Variants in DST observed in about 807,000 individuals in gnomAD.
DST encodes bullous pemphigoid antigen.
In DST, 253 loss-of-function variants were observed where a neutral mutation model predicts 875.2. That is an observed-to-expected ratio of 0.29 (90% confidence interval 0.26 to 0.32). DST has a LOEUF of 0.32. Among genes scored for constraint, DST ranks in the 10% least tolerant of loss-of-function variants. DST has a pLI of 1.00. For missense variants in DST, 8,287 were observed against 9,111.6 expected (o/e 0.91, Z 3.68); for synonymous variants, 3,124 against 3,197.1 (o/e 0.98, Z 0.77).
chr6:56,611,392 ATTAGT>A (rs1184391598), intron 38 of DST, 111 bp downstream of exon 38: 2 of 687,332 alleles, frequency 2.9e-6, no homozygotes, highest in Admixed American at 2.7e-5. Flanking sequence ...ATTAATTGTG[ATTAGT>A]TTGAGTCCCA....
intron 36 of DST, chr6:56,618,817 C>G: frequency 6.2e-7 from 1 of 1,614,162 alleles, no homozygotes; most frequent in Middle Eastern, 1.6e-4. Flanking sequence ...CTTCCTGAAA[C>G]AGAACCATCT....
chr6:56,625,085 A>G, intron 35 of DST, 72 bp downstream of exon 35: 1 of 1,117,674 alleles, frequency 8.9e-7, no homozygotes. Context: ...TACCACAACA[A>G]AAAATAAAAT....
Position 56,492,961 on chromosome 6 carries a change from T to C in DST, c.20523A>G (p.Thr6841=), listed in dbSNP as rs1310936273. The C allele has an allele frequency of 6.2e-7, 1 of 1,611,072 alleles. No homozygotes were observed. The highest frequency in any genetic ancestry group is 1.3e-5 in the African/African-American group (1 of 74,776). The change falls in exon 84 of 104, where the codon ACA becomes ACG. Residue 6841 remains threonine, a synonymous_variant. Transcript: ENST00000680361. Reference sequence around the variant, plus strand: ...TGTGTTCGTCAATTTGAAATAAGACTGTGTCCAAGATGAGACTTGGCCGAG... The same window carrying C: ...TGTGTTCGTCAATTTGAAATAAGACCGTGTCCAAGATGAGACTTGGCCGAG... ...VASRPSLILD[T]VLFQIDEHKV...
chr6:56,851,708 A>T, intron 3 of DST, 104 bp from the exon 4 acceptor site: 1 of 1,552,732 alleles, frequency 6.4e-7, no homozygotes, highest in Non-Finnish European at 8.7e-7. Context: ...CCTGCCCCCA[A>T]ACTGGGTCTG....
intron 22 of DST, among the ~76,000 whole-genome samples, chr6:56,638,255 A>C (rs1207254468): frequency 6.6e-6 from 1 of 152,094 alleles, no homozygotes. Flanking sequence ...ATTAGTGTAC[A>C]AAACCACATC....
chr6:56,605,236 G>A lies in DST; in HGVS notation c.9392C>T (p.Pro3131Leu). 1.2e-6 allele frequency: 2 copies of A among 1,611,046 alleles called. No homozygotes were observed. Among genetic ancestry groups the A allele is most frequent in the Non-Finnish European group, 1.7e-6 (2 of 1,178,324 alleles). The change falls in exon 40 of 104, where the codon CCT (proline) becomes CTT (leucine). Residue 3131 changes from proline (P) to leucine (L), a missense_variant. Around this residue, in one of 10 missense-constraint regions of DST, gnomAD observed 3,138 missense variants for 3,116.6 expected, o/e 1.01. Transcript: ENST00000680361. ...TTCTTCAAGATTCTCAAACTGAACA[G>A]GACTTTTACTAACTATTATTTGTAG... ...NNLQIIVSKS[P>L]VQFENLEEIF...
At chr6:56,532,068 C>T (rs2096905295) in intron 64 of DST, among the ~76,000 whole-genome samples, 1 of 152,118 alleles carries the variant, frequency 6.6e-6, no homozygotes, top group South Asian at 2.1e-4. Context: ...AACTCTGTGC[C>T]TGATGCATGG....
chr6:56,528,768 C>T (rs559221455), intron 67 of DST, 73 bp downstream of exon 67: 2 of 1,112,616 alleles, frequency 1.8e-6, no homozygotes, highest in East Asian at 2.6e-5. Flanking sequence ...TTGGTTTTTT[C>T]CCATCCCTAA....
At chr6:56,743,645 AACAC>A (rs144612886) in intron 4 of DST, among the ~76,000 whole-genome samples, 2 of 151,740 alleles carry the variant, frequency 1.3e-5, no homozygotes, top group Non-Finnish European at 2.9e-5. Context: ...ACACATATAT[AACAC>A]ACACACACAC....
rs145078334 is a variant in DST, at chr6:56,757,622, G to C, written c.626-22333C>G. Among the ~76,000 whole-genome samples the C allele has an allele frequency of 5.7e-4, 87 of 152,298 alleles. 1 individual carries two copies. Among genetic ancestry groups the C allele is most frequent in the African/African-American group, 2.0e-3 (84 of 41,560 alleles). ...CAAAGTTCCAGTAAATGAAATAAAAGCTAATGTGTTATATGGCAGCTTCTA... is the reference window on the plus strand; with the variant it reads ...CAAAGTTCCAGTAAATGAAATAAAACCTAATGTGTTATATGGCAGCTTCTA... On this transcript the variant is annotated intron_variant, in intron 4 of 103. Transcript: ENST00000680361.
rs1439045562 is a variant in DST at position 56,473,995 on chromosome 6, A to G, written c.21872T>C (p.Met7291Thr). 1 of 1,575,800 alleles carries G rather than the reference A, an allele frequency of 6.3e-7. No individual in the cohort carries two copies. Among genetic ancestry groups the G allele is most frequent in the South Asian group, 1.2e-5 (1 of 85,988 alleles). ...AGGCTGTTTTCTGGTCATTTCCTCC[A>G]TGAAGGTCTGAAATGAAAGAAATGA... The part of the protein sequence containing the change: ...KALIAEHQTF[M>T]EEMTRKQPDV... Residue 7291 changes from methionine to threonine, a missense_variant, in exon 93 of 104, where the codon ATG becomes ACG. Physicochemically the swap from Met to Thr is moderately conservative, Grantham distance 81. Around this residue, in one of 10 missense-constraint regions of DST, gnomAD observed 1,292 missense variants for 1,552.7 expected, o/e 0.83. Coordinates refer to ENST00000680361, the MANE Select transcript of DST (RefSeq NM_001374736.1).
chr6:56,458,170 C>T lies in DST; in HGVS notation c.*835G>A, dbSNP rs1343821188. ...ATTTTTAAGTATCTTTTGGTCACTC[C>T]AAATTGATATTGCTCATAAAAAAAT... On this transcript the variant is annotated 3_prime_UTR_variant, in exon 104 of 104. Transcript: ENST00000680361. The T allele has an allele frequency of 6.6e-6, 1 of 152,282 alleles. No homozygotes were observed. The highest frequency in any genetic ancestry group is 1.5e-5 in the Non-Finnish European group (1 of 67,988). The allele number at this position is 152,282 out of a possible 1,614,324, so 9.4% of individuals were successfully genotyped here. A position where few individuals can be genotyped will look rare whatever the true frequency, so the allele number is the denominator to read the frequency against.
At chr6:56,742,461 C>G (rs1262937810) in intron 4 of DST, 1 of 770,670 alleles carries the variant, frequency 1.3e-6, no homozygotes, top group East Asian at 6.5e-5. Flanking sequence ...TACTTGCAAG[C>G]TGAAAACTAG....
At chr6:56,901,457 T>A (rs540107201) in intron 2 of DST, among the ~76,000 whole-genome samples, 21 of 152,276 alleles carry the variant, frequency 1.4e-4, no homozygotes, top group African/African-American at 5.1e-4. Context: ...TAGCTGGTCA[T>A]GCTGGTGGAC....
intron 7 of DST, 117 bp from the exon 8 acceptor site, chr6:56,702,082 G>T: frequency 1.8e-6 from 1 of 566,624 alleles, no homozygotes; most frequent in East Asian, 3.0e-5. Context: ...GTTTAGGTAA[G>T]GCCATAAGAT....
rs781213234 is a variant in DST at position 56,555,610 on chromosome 6, T to C, written c.14871A>G (p.Arg4957=). The C allele has an allele frequency of 6.2e-7, 1 of 1,614,026 alleles. No individual in the cohort carries two copies. The highest frequency in any genetic ancestry group is 8.5e-7 in the Non-Finnish European group (1 of 1,179,888). Residue 4957 remains arginine, a synonymous_variant, in exon 60 of 104, where the codon AGA becomes AGG. Transcript: ENST00000680361. The part of the protein sequence containing the change: ...VKSTQYQSLL[R]SLSDKLSDLD... ...AGTCACTCAGTTTATCAGAAAGGCT[T>C]CTCAGCAGGCTTTGATACTGTGTGC...
intron 2 of DST, among the ~76,000 whole-genome samples, chr6:56,915,570 GA>G (rs930982586): frequency 2.6e-5 from 4 of 151,196 alleles, no homozygotes; most frequent in Admixed American, 1.3e-4. Context: ...GACAGGGACA[GA>G]AAAAAAGGTA....
intron 13 of DST, 148 bp downstream of exon 13, chr6:56,648,422 G>C: frequency 1.7e-6 from 1 of 605,626 alleles, no homozygotes; most frequent in Middle Eastern, 4.5e-4. Context: ...TGTATAATAA[G>C]AGAAATGAGT....
intron 3 of DST, among the ~76,000 whole-genome samples, chr6:56,866,479 T>C (rs1428940135): frequency 1.3e-5 from 2 of 152,230 alleles, no homozygotes; most frequent in East Asian, 1.9e-4. Flanking sequence ...AAAACCCTCC[T>C]GTGGCTTTCC....
Sources: allele counts gnomAD v4.1 joint callset (sites outside exome capture counted in the v4.1 genomes callset), GRCh38; gene constraint gnomAD v4.1.1; regional missense constraint gnomAD v4.1.1; transcripts MANE v1.5; gene names NCBI Gene and HGNC (gene_info 2026-07-23, HGNC 2026-07-21).